The following RAB11FIP1 variants were observed in gnomAD, a reference collection of about 807,000 sequenced individuals.
RAB11FIP1 encodes the protein rab11 family-interacting protein 1.
Under a neutral mutation model 83.1 loss-of-function variants are expected in RAB11FIP1, and 49 were observed. The ratio of observed to expected loss-of-function variants is 0.59; its 90% confidence interval spans 0.47 to 0.75. The LOEUF (loss-of-function observed/expected upper bound fraction) is 0.75. Among genes scored for constraint, RAB11FIP1 ranks in the 30% least tolerant of loss-of-function variants. The pLI is 0.00. For synonymous variants in RAB11FIP1, 670 were observed against 656.0 expected (o/e 1.02, Z -0.33); for missense variants, 1,536 against 1,598.7 (o/e 0.96, Z 0.67).
chr8:37,881,084 G>A (rs775141158), intron 1 of RAB11FIP1, among the ~76,000 whole-genome samples: 3 of 152,220 alleles, frequency 2.0e-5, no homozygotes, highest in African/African-American at 7.2e-5. Context: ...GGGGAAAGTC[G>A]AAACCTAACA....
chr8:37,871,618 A>G lies in RAB11FIP1; in HGVS notation c.3184T>C (p.Leu1062=). The stretch of plus-strand genomic sequence containing the variant: ...CTGGGGCCTGGCAGCTGTTTATCCA[A>G]GCTTGAGCTCTTGCCAAGATGTGGT... ...HKPHLGKSSS[L]DKQLPGPSGG... The change falls in exon 4 of 6, where the codon TTG becomes CTG. Residue 1062 remains leucine, a synonymous_variant. Coordinates refer to ENST00000330843, the MANE Select transcript of RAB11FIP1 (RefSeq NM_001002814.3). 6.2e-7 allele frequency: 1 copy of G among 1,606,542 alleles called. No individual in the cohort carries two copies. The highest frequency in any genetic ancestry group is 1.3e-5 in the African/African-American group (1 of 74,886).
chr8:37,870,745 G>A (rs561709110), intron 4 of RAB11FIP1: 2 of 485,864 alleles, frequency 4.1e-6, no homozygotes. Context: ...GCATGTCCTT[G>A]TCCAGATGTC....
chr8:37,898,029 T>G (rs2130208427), intron 1 of RAB11FIP1, among the ~76,000 whole-genome samples: 1 of 152,300 alleles, frequency 6.6e-6, no homozygotes, highest in Non-Finnish European at 1.5e-5. Flanking sequence ...GCCCAGTCAT[T>G]CTCGGCTCGA....
Position 37,859,178 on chromosome 8 carries a change from T to G in RAB11FIP1, c.*3717A>C, listed in dbSNP as rs1359564185. Reference sequence around the variant, plus strand: ...GAGATACGGAGTTAAGTTTGGTGGATACTAGGAATTAAGTTCTCCACCTAA... The same window carrying G: ...GAGATACGGAGTTAAGTTTGGTGGAGACTAGGAATTAAGTTCTCCACCTAA... On this transcript the variant is annotated 3_prime_UTR_variant, in exon 6 of 6. Coordinates refer to ENST00000330843, the MANE Select transcript of RAB11FIP1 (RefSeq NM_001002814.3). 1 of 151,910 alleles carries G rather than the reference T, an allele frequency of 6.6e-6. No homozygotes were observed. Among genetic ancestry groups the G allele is most frequent in the African/African-American group, 2.4e-5 (1 of 41,192 alleles). The allele number at this position is 151,910 out of a possible 1,614,324, so 9.4% of individuals were successfully genotyped here. A position where few individuals can be genotyped will look rare whatever the true frequency, so the allele number is the denominator to read the frequency against.
chr8:37,887,523 G>A (rs1184354384), intron 1 of RAB11FIP1, among the ~76,000 whole-genome samples: 3 of 139,774 alleles, frequency 2.1e-5, no homozygotes, highest in African/African-American at 8.1e-5. Flanking sequence ...AGAGTGAGAC[G>A]CCATCTCAAA....
At position 37,871,978 on chromosome 8, in the gene RAB11FIP1, GA is replaced by G; in HGVS notation, c.2823del (p.Gln942SerfsTer14). 2 of 1,614,196 alleles carry G rather than the reference GA, an allele frequency of 1.2e-6. No homozygotes were observed. Among genetic ancestry groups the G allele is most frequent in the Non-Finnish European group, 1.7e-6 (2 of 1,180,042 alleles). ...GGAGATTTAAAATCTGAGACCAACT[GA>G]AGGTCACTCAAGGGGTCAGACAATA... ...EGLLSDPLSD[L>X]QLVSDFKSPI... On this transcript the variant is annotated frameshift_variant, in exon 4 of 6. Transcript: ENST00000330843. LOFTEE classifies it high-confidence loss of function.
In RAB11FIP1 at chr8:37,860,913, A is replaced by G. The variant is rs1317839864; in HGVS notation, c.*1982T>C. The G allele has an allele frequency of 6.5e-6, 1 of 152,690 alleles. No individual in the cohort carries two copies. The highest frequency in any genetic ancestry group is 1.5e-5 in the Non-Finnish European group (1 of 68,052). 9.5% of individuals were successfully genotyped at this position (152,690 alleles called of 1,614,324 possible). A position where few individuals can be genotyped will look rare whatever the true frequency, so the allele number is the denominator to read the frequency against. ...AATCCTGGAAAGAGATTGCACTGCC[A>G]ATGATTTTGTCTCTTAACCTCAATG... is the stretch of plus-strand genomic sequence containing the variant. On this transcript the variant is annotated 3_prime_UTR_variant, in exon 6 of 6. Coordinates refer to ENST00000330843, the MANE Select transcript of RAB11FIP1 (RefSeq NM_001002814.3).
At chr8:37,898,967 C>T (rs1585454509) in intron 1 of RAB11FIP1, 104 bp downstream of exon 1, 4 of 1,235,072 alleles carry the variant, frequency 3.2e-6, no homozygotes, top group Middle Eastern at 2.9e-4. Context: ...AAAGGCCTTC[C>T]CCGCTGCTGC....
In RAB11FIP1 at chr8:37,899,241, G is replaced by A; in HGVS notation, c.201C>T (p.Arg67=). The change falls in exon 1 of 6, where the codon CGC becomes CGT. Residue 67 remains arginine (R), a synonymous_variant. Transcript: ENST00000330843. This position sits in a 1 kb window ranked among gnomAD's most constrained non-coding sequence, Gnocchi z 4.5. Reference sequence around the variant, plus strand: ...ATGGCAGCTCGAAGGTGGCCTCCTCGCGCCACACGGGCGCGCCCAGGCTGC... The same window carrying A: ...ATGGCAGCTCGAAGGTGGCCTCCTCACGCCACACGGGCGCGCCCAGGCTGC... The part of the protein sequence containing the change: ...SERSLGAPVW[R]EEATFELPSL... 6.3e-7 allele frequency: 1 copy of A among 1,596,668 alleles called. No individual in the cohort carries two copies. The highest frequency in any genetic ancestry group is 8.5e-7 in the Non-Finnish European group (1 of 1,175,012).
At chr8:37,895,863 AAGAC>A (rs1260912931) in intron 1 of RAB11FIP1, among the ~76,000 whole-genome samples, 7 of 152,094 alleles carry the variant, frequency 4.6e-5, no homozygotes, top group African/African-American at 9.7e-5. Context: ...GATTAAGACA[AAGAC>A]AGACAGACAG....
Position 37,899,359 on chromosome 8 carries a change from C to T in RAB11FIP1, c.83G>A (p.Arg28Gln), listed in dbSNP as rs749756878. 4.4e-6 allele frequency: 7 copies of T among 1,606,196 alleles called. No homozygotes were observed. Among genetic ancestry groups the T allele is most frequent in the East Asian group, 4.5e-5 (2 of 44,348 alleles). ...THVQVTVLQA[R>Q]GLRAKGPGGT... ...CCCGGGGCCCTTGGCCCGCAGGCCCCGCGCCTGCAGCACCGTCACCTGCAC... is the reference window on the plus strand; with the variant it reads ...CCCGGGGCCCTTGGCCCGCAGGCCCTGCGCCTGCAGCACCGTCACCTGCAC... Residue 28 changes from arginine (R) to glutamine (Q), a missense_variant, in exon 1 of 6, where the codon CGG (arginine) becomes CAG (glutamine). Arg to Gln is a conservative substitution (Grantham distance 43, BLOSUM62 1). Coordinates refer to ENST00000330843, the MANE Select transcript of RAB11FIP1 (RefSeq NM_001002814.3). The surrounding 1 kb of genome is among the most constrained non-coding windows in gnomAD (Gnocchi z 4.5).
At position 37,873,050 on chromosome 8, in the gene RAB11FIP1, TG is replaced by T. The variant is rs1806517025; in HGVS notation, c.1751del (p.Ala584GlufsTer19). On this transcript the variant is annotated frameshift_variant, in exon 4 of 6. Coordinates refer to ENST00000330843, the MANE Select transcript of RAB11FIP1 (RefSeq NM_001002814.3). LOFTEE classifies it high-confidence loss of function. The stretch of plus-strand genomic sequence containing the variant: ...AAGGACTCTCAGAGGACTGTGTGTC[TG>T]CACCATGTCCCAATTCAGAGGGGAC... ...ASVPSELGHG[A>X]DTQSSESPSV... 6.2e-7 allele frequency: 1 copy of T among 1,614,016 alleles called. No homozygotes were observed. Among genetic ancestry groups the T allele is most frequent in the Admixed American group, 1.7e-5 (1 of 60,002 alleles).
intron 2 of RAB11FIP1, 35 bp downstream of exon 2, chr8:37,877,074 G>C (rs992480757): frequency 8.2e-6 from 12 of 1,472,186 alleles, no homozygotes; most frequent in African/African-American, 1.4e-5. Context: ...GTAAGAGGAA[G>C]AAGAGAGGTC....
chr8:37,895,195 AGCTGGGACTACAG>A (rs1807039306), intron 1 of RAB11FIP1, among the ~76,000 whole-genome samples: 1 of 104,764 alleles, frequency 9.5e-6, no homozygotes, highest in Non-Finnish European at 1.8e-5. Flanking sequence ...CCTCCGGAAT[AGCTGGGACTACAG>A]GTGCCTGCCA....
intron 5 of RAB11FIP1, 28 bp downstream of exon 5, chr8:37,870,392 G>A (rs1051740215): frequency 9.6e-6 from 13 of 1,348,720 alleles, no homozygotes; most frequent in Middle Eastern, 1.8e-4. Flanking sequence ...AATCCCTAAC[G>A]AACACACCAG....
chr8:37,866,203 C>T (rs1806339006), intron 5 of RAB11FIP1, among the ~76,000 whole-genome samples: 1 of 151,858 alleles, frequency 6.6e-6, no homozygotes, highest in Admixed American at 6.6e-5. Flanking sequence ...GGCATGGTGG[C>T]GGGCACCTGT....
chr8:37,878,400 G>A (rs1236244152), intron 1 of RAB11FIP1, among the ~76,000 whole-genome samples: 3 of 151,458 alleles, frequency 2.0e-5, no homozygotes, highest in Non-Finnish European at 4.4e-5. Context: ...CGGGTGTGGT[G>A]GCAGGCGCCT....
At position 37,872,445 on chromosome 8, in the gene RAB11FIP1, G is replaced by C. The variant is rs758672756; in HGVS notation, c.2357C>G (p.Ser786Cys). Residue 786 changes from serine to cysteine, a missense_variant, in exon 4 of 6, where the codon TCC (serine) becomes TGC (cysteine). Transcript: ENST00000330843. ...CATCTCTTCCAGCTTCCGCATCATG[G>C]AATCAATGGAAGGGACTGATGCTCC... is the stretch of plus-strand genomic sequence containing the variant. ...PMGASVPSID[S>C]MMRKLEEMGL... 1.2e-6 allele frequency: 2 copies of C among 1,614,196 alleles called. No homozygotes were observed. Among genetic ancestry groups the C allele is most frequent in the South Asian group, 1.1e-5 (1 of 91,084 alleles).
chr8:37,877,675 C>T, intron 1 of RAB11FIP1, 124 bp from the exon 2 acceptor site: 6 of 550,604 alleles, frequency 1.1e-5, no homozygotes, highest in South Asian at 9.1e-5. Context: ...CATTCTCATG[C>T]TTTCTCTTCG....
Sources: gnomAD v4.1 joint callset for allele counts (sites outside exome capture counted in the v4.1 genomes callset) on GRCh38, gnomAD v4.1.1 for gene constraint, Gnocchi (gnomAD v3.1) non-coding constraint, MANE v1.5 for transcripts, NCBI Gene and HGNC (gene_info 2026-07-23, HGNC 2026-07-21) for gene names.